The following FAM168A variants were observed in gnomAD, a reference collection of about 807,000 sequenced individuals.
The protein encoded by FAM168A is protein FAM168A.
Under a neutral mutation model 28.5 loss-of-function variants are expected in FAM168A, and 3 were observed. The observed-to-expected ratio is 0.11, with a 90% CI of 0.05 to 0.27. The LOEUF is 0.27. Among genes scored for constraint, FAM168A ranks in the 10% least tolerant of loss-of-function variants. The pLI is 1.00. For missense variants in FAM168A, 222 were observed against 311.5 expected, an observed-to-expected ratio of 0.71 and a Z score of 2.16; for synonymous variants, 122 against 124.2, an observed-to-expected ratio of 0.98 and a Z score of 0.12.
At chr11:73,556,027 C>CTT in intron 1 of FAM168A, among the ~76,000 whole-genome samples, 1 of 152,132 alleles carries the variant, frequency 6.6e-6, no homozygotes, top group Non-Finnish European at 1.5e-5. Context: ...AACCCAGTGT[C>CTT]ATGCCAAAGA....
At chr11:73,432,949 T>G (rs899954514) in intron 2 of FAM168A, among the ~76,000 whole-genome samples, 1 of 152,122 alleles carries the variant, frequency 6.6e-6, no homozygotes, top group Admixed American at 6.6e-5. Context: ...TCTTGTTCTA[T>G]TACCCAGGAT....
chr11:73,432,645 G>A (rs1867015613), intron 2 of FAM168A, among the ~76,000 whole-genome samples: 2 of 152,072 alleles, frequency 1.3e-5, no homozygotes, highest in Admixed American at 1.3e-4. Context: ...CGGGCGCGGT[G>A]GCTCATGCCT....
intron 1 of FAM168A, among the ~76,000 whole-genome samples, chr11:73,515,530 AG>A (rs1280673698): frequency 2.6e-5 from 4 of 151,686 alleles, no homozygotes; most frequent in African/African-American, 7.2e-5. Context: ...AAAAAAGAAA[AG>A]AAACAACTAT....
At chr11:73,470,380 G>A (rs1231212115) in intron 1 of FAM168A, among the ~76,000 whole-genome samples, 1 of 152,172 alleles carries the variant, frequency 6.6e-6, no homozygotes, top group Non-Finnish European at 1.5e-5. Context: ...ACATCAGGAT[G>A]AGAAAGACTG....
intron 1 of FAM168A, among the ~76,000 whole-genome samples, chr11:73,508,056 A>G (rs1212723945): frequency 1.3e-5 from 2 of 152,034 alleles, no homozygotes; most frequent in Non-Finnish European, 2.9e-5. Flanking sequence ...TAGTTACTTA[A>G]CCTCTTTGGG....
intron 2 of FAM168A, among the ~76,000 whole-genome samples, chr11:73,443,790 C>T (rs991522256): frequency 8.5e-5 from 13 of 152,198 alleles, no homozygotes; most frequent in African/African-American, 2.9e-4. Context: ...AAAATAGACA[C>T]AATCAGTTAA....
At chr11:73,462,084 T>C (rs962388754) in intron 2 of FAM168A, among the ~76,000 whole-genome samples, 1 of 152,086 alleles carries the variant, frequency 6.6e-6, no homozygotes, top group African/African-American at 2.4e-5. Flanking sequence ...AAAATAGAAT[T>C]ACTGTATGAC....
chr11:73,461,051 T>TCA (rs1867638307), intron 2 of FAM168A, among the ~76,000 whole-genome samples: 1 of 152,148 alleles, frequency 6.6e-6, no homozygotes, highest in Non-Finnish European at 1.5e-5. Flanking sequence ...TAGTCAATAT[T>TCA]CATGGCATGC....
intron 1 of FAM168A, among the ~76,000 whole-genome samples, chr11:73,549,095 C>G (rs1943794924): frequency 6.6e-6 from 1 of 152,184 alleles, no homozygotes; most frequent in Non-Finnish European, 1.5e-5. Context: ...GCATGCGCCA[C>G]CATGCCCAGC....
intron 2 of FAM168A, among the ~76,000 whole-genome samples, chr11:73,464,199 A>C (rs966192804): frequency 6.6e-6 from 1 of 151,942 alleles, no homozygotes; most frequent in Non-Finnish European, 1.5e-5. Flanking sequence ...AAAAAAAAAA[A>C]AACACATACG....
intron 1 of FAM168A, among the ~76,000 whole-genome samples, chr11:73,469,357 T>C (rs754192044): frequency 6.6e-6 from 1 of 152,200 alleles, no homozygotes; most frequent in Non-Finnish European, 1.5e-5. Flanking sequence ...TTACACATCA[T>C]AAAAATCAAA....
At chr11:73,590,842 T>C (rs756935666) in intron 1 of FAM168A, among the ~76,000 whole-genome samples, 1 of 152,144 alleles carries the variant, frequency 6.6e-6, no homozygotes, top group Non-Finnish European at 1.5e-5. Context: ...CCTGTCTAAA[T>C]AGGTTGAAGA....
intron 1 of FAM168A, among the ~76,000 whole-genome samples, chr11:73,575,030 A>T (rs1412674032): frequency 6.6e-6 from 1 of 152,196 alleles, no homozygotes; most frequent in Non-Finnish European, 1.5e-5. Flanking sequence ...TAAAGTGTGT[A>T]TCATATCCCT....
rs1316543110 is a variant in FAM168A at position 73,584,197 on chromosome 11, T to C, written c.-19+13726A>G. ...CACTGACTTTTTTTTTTTTGAGACA[T>C]TGTCTCACTCTGTCACCCAGGTTGG... On this transcript the variant is annotated intron_variant, in intron 1 of 7. Transcript: ENST00000356467. Among the ~76,000 whole-genome samples the C allele has an allele frequency of 2.6e-5, 4 of 151,814 alleles. No homozygotes were observed. The South Asian group carries it at 8.3e-4, about 31-fold the overall frequency.
At chr11:73,491,292 G>A (rs1258944055) in intron 1 of FAM168A, among the ~76,000 whole-genome samples, 2 of 152,112 alleles carry the variant, frequency 1.3e-5, no homozygotes, top group Admixed American at 6.6e-5. Flanking sequence ...CCACTCCAGC[G>A]GGAAGGAGAC....
intron 1 of FAM168A, among the ~76,000 whole-genome samples, chr11:73,505,977 A>G (rs1277078278): frequency 6.6e-6 from 1 of 152,176 alleles, no homozygotes; most frequent in Non-Finnish European, 1.5e-5. Flanking sequence ...TGACTATACA[A>G]GCTCTCTAGG....
chr11:73,424,995 A>G (rs1169095726), intron 3 of FAM168A: 33 of 1,514,186 alleles, frequency 2.2e-5, no homozygotes, highest in Middle Eastern at 1.7e-4. Flanking sequence ...AGGCTGTAAT[A>G]CAGATGAGGA....
chr11:73,436,882 A>G (rs1019638761), intron 2 of FAM168A, among the ~76,000 whole-genome samples: 2 of 152,190 alleles, frequency 1.3e-5, no homozygotes, highest in Admixed American at 6.5e-5. Context: ...TGGAGAGTCA[A>G]TTTGGTCAAA....
At chr11:73,529,574 A>G (rs1170949568) in intron 1 of FAM168A, among the ~76,000 whole-genome samples, 8 of 152,172 alleles carry the variant, frequency 5.3e-5, no homozygotes, top group Admixed American at 5.2e-4. Context: ...TGTTCTCCTT[A>G]CCTTCTCTCT....
Sources: gnomAD v4.1 joint callset for allele counts (sites outside exome capture counted in the v4.1 genomes callset) on GRCh38, gnomAD v4.1.1 for gene constraint, MANE v1.5 for transcripts, NCBI Gene and HGNC (gene_info 2026-07-23, HGNC 2026-07-21) for gene names.